The following PPIL4 variants were observed in gnomAD, a reference collection of about 807,000 sequenced individuals.
PPIL4 encodes peptidyl-prolyl cis-trans isomerase-like 4.
Under a neutral mutation model 69.1 loss-of-function variants are expected in PPIL4, and 50 were observed. That is an observed-to-expected ratio of 0.72 (90% CI 0.58 to 0.92). The LOEUF is 0.92. Among genes scored for constraint, PPIL4 ranks in the 40% least tolerant of loss-of-function variants. The probability of loss-of-function intolerance (pLI) is 0.00; values close to 1 mark genes in which losing one functional copy is unlikely to be tolerated. For synonymous variants in PPIL4, 193 were observed against 191.6 expected (o/e 1.01, Z -0.06); for missense variants, 480 against 587.9 (o/e 0.82, Z 1.90).
chr6:149,542,373 T>C (rs949828128), intron 1 of PPIL4, among the ~76,000 whole-genome samples: 12 of 152,342 alleles, frequency 7.9e-5, no homozygotes, highest in African/African-American at 2.9e-4. Flanking sequence ...GCTTATCCAA[T>C]AAACATTTAC....
At chr6:149,539,740 T>C (rs560538092) in intron 4 of PPIL4, among the ~76,000 whole-genome samples, 3 of 152,268 alleles carry the variant, frequency 2.0e-5, no homozygotes, top group East Asian at 3.9e-4. Context: ...CCACCCAGAT[T>C]AGTCAACGGC....
chr6:149,535,037 C>A, intron 5 of PPIL4, among the ~76,000 whole-genome samples: 1 of 152,136 alleles, frequency 6.6e-6, no homozygotes. Flanking sequence ...CCCTACTTCT[C>A]AATTAAAAAA....
chr6:149,545,940 C>A lies in PPIL4; in HGVS notation c.66G>T (p.Pro22=). 6.3e-7 allele frequency: 1 copy of A among 1,586,524 alleles called. No homozygotes were observed. The highest frequency in any genetic ancestry group is 8.6e-7 in the Non-Finnish European group (1 of 1,163,960). The change falls in exon 1 of 13, where the codon CCG becomes CCT. Residue 22 remains proline, a synonymous_variant. Transcript: ENST00000253329. Reference sequence around the variant, plus strand: ...TGAGTGGGGCTCAAGCCTCACCACGCGGCCGTTCTTCGGTGTACAAGTCGA... The same window carrying A: ...TGAGTGGGGCTCAAGCCTCACCACGAGGCCGTTCTTCGGTGTACAAGTCGA... ...VVIDLYTEER[P]RACLNFLKLC...
At chr6:149,537,933 G>A (rs1423391052) in intron 4 of PPIL4, among the ~76,000 whole-genome samples, 1 of 152,026 alleles carries the variant, frequency 6.6e-6, no homozygotes, top group Non-Finnish European at 1.5e-5. Flanking sequence ...GGTCACCCAG[G>A]AGCTCTGATG....
Position 149,505,550 on chromosome 6 carries a change from T to C in PPIL4, c.1382A>G (p.Tyr461Cys). The C allele has an allele frequency of 6.2e-7, 1 of 1,614,134 alleles. No individual in the cohort carries two copies. Among genetic ancestry groups the C allele is most frequent in the Non-Finnish European group, 8.5e-7 (1 of 1,179,998 alleles). Residue 461 changes from tyrosine (Y) to cysteine (C), a missense_variant, in exon 13 of 13, where the codon TAC (tyrosine) becomes TGC (cysteine). By Grantham distance (194) the Tyr-to-Cys change is radical. Transcript: ENST00000253329. ...TTCTCTTTCATAAAGATCTGTTTGG[T>C]ATTTTGATTTATGACTATTACTATA... Reference protein sequence around the residue: ...GHYSNSHKSKYQTDLYERERS... With the variant: ...GHYSNSHKSKCQTDLYERERS...
chr6:149,521,067 T>C lies in PPIL4; in HGVS notation c.975A>G (p.Lys325=), dbSNP rs772230405. 3.9e-6 allele frequency: 6 copies of C among 1,543,546 alleles called. No homozygotes were observed. The East Asian group carries it at 1.3e-4, about 35-fold the overall frequency. The change falls in exon 10 of 13, where the codon AAA becomes AAG. Residue 325 remains lysine (K), a synonymous_variant. Coordinates refer to ENST00000253329, the MANE Select transcript of PPIL4 (RefSeq NM_139126.4). ...FSQSVAKVKW[K]GKGGKYTKSD... is the part of the protein sequence containing the mutation. ...AAAGATAAACCATCATACCTTTTCCTTTCCATTTAACCTTTGCAACCGACT... is the reference window on the plus strand; with the variant it reads ...AAAGATAAACCATCATACCTTTTCCCTTCCATTTAACCTTTGCAACCGACT...
In PPIL4 at chr6:149,528,663, T is replaced by G. The variant is rs181916727; in HGVS notation, c.679-1887A>C. Among the ~76,000 whole-genome samples, 4 of 152,346 alleles carry G rather than the reference T, an allele frequency of 2.6e-5. No homozygotes were observed. In the East Asian group the frequency reaches 7.7e-4, roughly 29 times the overall value. ...TGAGGCAAAAGAAACCCTCATTCAT[T>G]GCTGGTAGGAATGTAAAATGTAAAG... On this transcript the variant is annotated intron_variant, in intron 7 of 12. Transcript: ENST00000253329.
At chr6:149,507,444 A>G (rs1044487912) in intron 12 of PPIL4, among the ~76,000 whole-genome samples, 2 of 152,230 alleles carry the variant, frequency 1.3e-5, no homozygotes, top group Non-Finnish European at 2.9e-5. Flanking sequence ...CTAGTAAAAT[A>G]TGACATTCTG....
At chr6:149,524,518 A>G (rs1368275748) in intron 9 of PPIL4, among the ~76,000 whole-genome samples, 1 of 152,216 alleles carries the variant, frequency 6.6e-6, no homozygotes, top group African/African-American at 2.4e-5. Context: ...CACCCAGTTC[A>G]GTTCTCTTTC....
chr6:149,545,099 C>T (rs1381277053), intron 1 of PPIL4, among the ~76,000 whole-genome samples: 1 of 152,156 alleles, frequency 6.6e-6, no homozygotes, highest in Non-Finnish European at 1.5e-5. Flanking sequence ...GCGTATCTGA[C>T]CACACTCGAG....
intron 11 of PPIL4, among the ~76,000 whole-genome samples, chr6:149,516,007 CT>C (rs1776938322): frequency 6.6e-6 from 1 of 152,202 alleles, no homozygotes; most frequent in Non-Finnish European, 1.5e-5. Context: ...AGACTATCCC[CT>C]AACAGCATTT....
intron 8 of PPIL4, 62 bp from the exon 9 acceptor site, chr6:149,525,271 ACT>A: frequency 1.3e-6 from 1 of 769,514 alleles, no homozygotes; most frequent in Non-Finnish European, 2.2e-6. Flanking sequence ...ATTCACTCTC[ACT>A]CTTCAAAACT....
intron 4 of PPIL4, among the ~76,000 whole-genome samples, chr6:149,539,159 G>A (rs572277123): frequency 1.8e-4 from 27 of 152,050 alleles, no homozygotes; most frequent in Non-Finnish European, 3.8e-4. Context: ...GTGATTTACT[G>A]AGATGGAATC....
chr6:149,515,867 T>C (rs1017418779), intron 11 of PPIL4, among the ~76,000 whole-genome samples: 2 of 152,200 alleles, frequency 1.3e-5, no homozygotes, highest in African/African-American at 2.4e-5. Flanking sequence ...GTTATTTCCT[T>C]CTCCTACTTC....
chr6:149,531,341 A>G (rs1777193576), intron 7 of PPIL4, among the ~76,000 whole-genome samples: 1 of 147,000 alleles, frequency 6.8e-6, no homozygotes. Context: ...CTCCAGCCTG[A>G]TAACAGAGCG....
chr6:149,532,125 G>A (rs1214226319), intron 7 of PPIL4, among the ~76,000 whole-genome samples: 1 of 151,996 alleles, frequency 6.6e-6, no homozygotes, highest in Non-Finnish European at 1.5e-5. Context: ...CTGTCAAATA[G>A]TCGAGAAAAA....
intron 12 of PPIL4, among the ~76,000 whole-genome samples, chr6:149,505,933 G>C (rs1776763959): frequency 6.6e-6 from 1 of 152,106 alleles, no homozygotes; most frequent in African/African-American, 2.4e-5. Flanking sequence ...CTGAAACGAA[G>C]GATCAGCTTC....
chr6:149,512,546 G>GA lies in PPIL4; in HGVS notation c.1080-245dup, dbSNP rs944415556. On this transcript the variant is annotated intron_variant, in intron 11 of 12. Coordinates refer to ENST00000253329, the MANE Select transcript of PPIL4 (RefSeq NM_139126.4). The stretch of plus-strand genomic sequence containing the variant: ...GACTAGTAGGCAAAAAAATTAGGAG[G>GA]AAAAAATAAACGTATTTGTCAATAA... 5.9e-5 allele frequency among the ~76,000 whole-genome samples: 9 copies of GA among 152,030 alleles called. No individual in the cohort carries two copies. The East Asian group carries it at 1.5e-3, about 26-fold the overall frequency.
intron 5 of PPIL4, among the ~76,000 whole-genome samples, 200 bp from the exon 6 acceptor site, chr6:149,534,974 T>C (rs1777252908): frequency 6.6e-6 from 1 of 152,262 alleles, no homozygotes; most frequent in Non-Finnish European, 1.5e-5. Context: ...TTTATCACCC[T>C]GCATTACTTT....
Sources: allele counts gnomAD v4.1 joint callset (sites outside exome capture counted in the v4.1 genomes callset), GRCh38; gene constraint gnomAD v4.1.1; transcripts MANE v1.5; gene names NCBI Gene and HGNC (gene_info 2026-07-23, HGNC 2026-07-21).